AKR1C2: variants seen among roughly 807,000 people sequenced by gnomAD.
The protein encoded by AKR1C2 is 3-alpha-HSD3.
A neutral mutation model predicts 39.8 loss-of-function variants in AKR1C2; 27 were observed. That is an observed-to-expected ratio of 0.68 (90% CI 0.50 to 0.93). The LOEUF is 0.93. Among genes scored for constraint, AKR1C2 ranks in the 40% least tolerant of loss-of-function variants. The pLI, the probability that AKR1C2 is intolerant of heterozygous loss-of-function variation, is 0.00. For missense variants in AKR1C2, 263 were observed against 365.1 expected (o/e 0.72, Z 2.28); for synonymous variants, 114 against 137.9 (o/e 0.83, Z 1.22).
rs781867830 is a variant in AKR1C2 at position 4,995,706 on chromosome 10, T to A, written c.680+50A>T. 1.0e-5 allele frequency: 16 copies of A among 1,534,902 alleles called. No homozygotes were observed. In the East Asian group the frequency reaches 1.5e-4, roughly 14 times the overall value. On this transcript the variant is annotated intron_variant, in intron 6 of 8. Coordinates refer to ENST00000380753, the MANE Select transcript of AKR1C2 (RefSeq NM_001393392.1). ...AGGAAACAGCATGATCTGATTAAAT[T>A]TTTTTTATCAAACCAGTGTTTTAGG... is the stretch of plus-strand genomic sequence containing the variant.
intron 5 of AKR1C2, chr10:4,996,162 C>G: frequency 1.0e-5 from 3 of 288,206 alleles, no homozygotes; most frequent in Non-Finnish European, 1.3e-5. Flanking sequence ...ATTCTTTGAG[C>G]CTTGGGCATC....
At chr10:4,998,937 T>A (rs1554773488) in intron 4 of AKR1C2, among the ~76,000 whole-genome samples, 190 bp from the exon 5 acceptor site, 1 of 152,208 alleles carries the variant, frequency 6.6e-6, no homozygotes, top group African/African-American at 2.4e-5. Context: ...TGAGAATTTC[T>A]GTTTCCTCCT....
chr10:5,011,443 T>C (rs1488827958), intron 1 of AKR1C2, among the ~76,000 whole-genome samples: 1 of 152,152 alleles, frequency 6.6e-6, no homozygotes, highest in Admixed American at 6.5e-5. Context: ...AATCCAAAAA[T>C]AAAATAAATA....
rs782237696 is a variant in AKR1C2, at chr10:4,998,655, T to C, written c.540A>G (p.Pro180=). ...HRLLEMILNK[P]GLKYKPVCNQ... ...TGCAGACAGGCTTGTACTTGAGCCC[T>C]GGCTTGTTGAGGATCATCTCCAGCA... Residue 180 remains proline, a synonymous_variant, in exon 5 of 9, where the codon CCA becomes CCG. Transcript: ENST00000380753. 2.5e-6 allele frequency: 4 copies of C among 1,614,072 alleles called. No individual in the cohort carries two copies. The East Asian group carries it at 8.9e-5, about 36-fold the overall frequency.
Position 4,999,104 on chromosome 10 carries a change from C to A in AKR1C2, c.447+96G>T, listed in dbSNP as rs35767584. The A allele has an allele frequency of 0.11, 173,550 of 1,515,834 alleles. 9,422 individuals carry two copies. Among genetic ancestry groups the A allele is most frequent in the South Asian group, 0.18 (14,032 of 78,488 alleles). 93.9% of individuals were successfully genotyped at this position (1,515,834 alleles called of 1,614,324 possible). On this transcript the variant is annotated intron_variant, in intron 4 of 8. Coordinates refer to ENST00000380753, the MANE Select transcript of AKR1C2 (RefSeq NM_001393392.1). ...TTTGTAAAGTTCCTAAGTTTTTGATCCAATGGTGCATTTTCCATACTTGTA... is the reference window on the plus strand; with the variant it reads ...TTTGTAAAGTTCCTAAGTTTTTGATACAATGGTGCATTTTCCATACTTGTA...
In AKR1C2 at chr10:5,000,928, C is replaced by T. The variant is rs140216733; in HGVS notation, c.253-262G>A. On this transcript the variant is annotated intron_variant, in intron 2 of 8. Transcript: ENST00000380753. ...AAGTTGTTATCAAATCATAAGCATA[C>T]CCATTATCTGAATTATCTTTGGTAA... 0.061 allele frequency among the ~76,000 whole-genome samples: 9,269 copies of T among 152,238 alleles called. 386 individuals are homozygous for T. Among genetic ancestry groups the T allele is most frequent in the Non-Finnish European group, 0.091 (6,221 of 68,006 alleles).
At position 4,998,718 on chromosome 10, in the gene AKR1C2, C is replaced by A. The variant is rs1554773443; in HGVS notation, c.477G>T (p.Leu159Phe). The change falls in exon 5 of 9, where the codon TTG (leucine) becomes TTT (phenylalanine). Residue 159 changes from leucine to phenylalanine, a missense_variant. This residue lies in a region of AKR1C2 where 247 missense variants were observed against 267.9 expected (regional missense o/e 0.92). Transcript: ENST00000380753. ...AGTTGGACACCCCGATGGACTTGGC[C>A]AATCCTGCATCTTTACACTTCTCCA... The part of the protein sequence containing the change: ...EAMEKCKDAG[L>F]AKSIGVSNFN... 2.5e-6 allele frequency: 4 copies of A among 1,614,108 alleles called. No individual in the cohort carries two copies. In the South Asian group the frequency reaches 4.4e-5, roughly 18 times the overall value.
intron 7 of AKR1C2, among the ~76,000 whole-genome samples, chr10:4,993,054 C>T (rs10904387): frequency 0.29 from 43,705 of 152,074 alleles, 7,015 homozygotes; most frequent in East Asian, 0.63. Flanking sequence ...TGATCATGGA[C>T]TGGAAATCTC....
chr10:5,003,095 T>C (rs1554774018), intron 1 of AKR1C2, among the ~76,000 whole-genome samples: 1 of 152,200 alleles, frequency 6.6e-6, no homozygotes, highest in Non-Finnish European at 1.5e-5. Context: ...ATATATTCCA[T>C]TAATTTTCTT....
chr10:4,995,629 C>G (rs1414431505), intron 6 of AKR1C2, 127 bp downstream of exon 6: 3 of 1,315,958 alleles, frequency 2.3e-6, no homozygotes, highest in Non-Finnish European at 3.1e-6. Context: ...CCTGGGATCT[C>G]GTCAGAAATG....
At position 4,989,699 on chromosome 10, in the gene AKR1C2, G is replaced by A. The variant is rs113361610; in HGVS notation, c.*297C>T. 3.0e-5 allele frequency: 14 copies of A among 460,078 alleles called. No homozygotes were observed. In the East Asian group the frequency reaches 4.1e-4, roughly 14 times the overall value. 28.5% of individuals were successfully genotyped at this position (460,078 alleles called of 1,614,324 possible). ...ACATCTTCCAACCCCGGCCCTAAAC[G>A]TATAGGCAAATCACAATTTGGGGGC... On this transcript the variant is annotated 3_prime_UTR_variant, in exon 9 of 9. Transcript: ENST00000380753.
rs148925380 is a variant in AKR1C2, at chr10:4,994,450, G to A, written c.846+869C>T. ...TGGTGTGTGTTTCCCCACCCCTTGA[G>A]TCTGACCTGTCCTGTAACTTGCATT... is the stretch of plus-strand genomic sequence containing the variant. On this transcript the variant is annotated intron_variant, in intron 7 of 8. Coordinates refer to ENST00000380753, the MANE Select transcript of AKR1C2 (RefSeq NM_001393392.1). Among the ~76,000 whole-genome samples, 278 of 152,240 alleles carry A rather than the reference G, an allele frequency of 1.8e-3. 1 individual carries two copies. Among genetic ancestry groups the A allele is most frequent in the African/African-American group, 6.4e-3 (264 of 41,550 alleles).
intron 1 of AKR1C2, among the ~76,000 whole-genome samples, chr10:5,009,248 CTGTT>C (rs1324295059): frequency 6.6e-6 from 1 of 152,208 alleles, no homozygotes; most frequent in South Asian, 2.1e-4. Context: ...AGAGTGAACT[CTGTT>C]TGAAGAAACA....
upstream of AKR1C2, chr10:5,003,975 A>G: frequency 1.6e-6 from 1 of 612,532 alleles, no homozygotes; most frequent in Admixed American, 3.0e-5. Flanking sequence ...GTCTTACACA[A>G]GCTGTGATAA....
rs540626085 is a variant in AKR1C2, at chr10:5,011,932, A to T, written c.-88+5968T>A. 3.9e-5 allele frequency among the ~76,000 whole-genome samples: 6 copies of T among 152,342 alleles called. No individual in the cohort carries two copies. The South Asian group carries it at 8.3e-4, about 21-fold the overall frequency. The stretch of plus-strand genomic sequence containing the variant: ...TTGTCTGTATAAGTTATAACATGGA[A>T]GTAGTTGCCTGAAGTATAATCTAGG... On this transcript the variant is annotated intron_variant, in intron 1 of 6. Transcript: ENST00000604507.
At chr10:4,999,855 G>T in intron 3 of AKR1C2, 1 of 854,136 alleles carries the variant, frequency 1.2e-6, no homozygotes, top group Non-Finnish European at 1.4e-6. Flanking sequence ...AAAGCCTTTT[G>T]TAATAAAGCA....
At chr10:5,002,722 G>GCTTT (rs1837309947) in intron 1 of AKR1C2, among the ~76,000 whole-genome samples, 1 of 151,558 alleles carries the variant, frequency 6.6e-6, no homozygotes, top group African/African-American at 2.4e-5. Context: ...TATTTCAGAG[G>GCTTT]CTTTTTCCTG....
chr10:4,989,133 A>G lies in AKR1C2; in HGVS notation c.*863T>C, dbSNP rs1554771798. 1 of 152,146 alleles carries G rather than the reference A, an allele frequency of 6.6e-6. No individual in the cohort carries two copies. The highest frequency in any genetic ancestry group is 2.4e-5 in the African/African-American group (1 of 41,426). The allele number at this position is 152,146 out of a possible 1,614,324, so 9.4% of individuals were successfully genotyped here. A position where few individuals can be genotyped will look rare whatever the true frequency, so the allele number is the denominator to read the frequency against. ...CAGTACATTTTTACAATCTAAGAAT[A>G]TTTTCTAAATATGAGCTATTCAGGG... On this transcript the variant is annotated 3_prime_UTR_variant, in exon 9 of 9. Coordinates refer to ENST00000380753, the MANE Select transcript of AKR1C2 (RefSeq NM_001393392.1).
Position 4,988,005 on chromosome 10 carries a change from AC to A in AKR1C2, c.*1990del, listed in dbSNP as rs1422786602. ...GTTTGGCTTTATGAAATTCTGAGTA[AC>A]TTTTTTTTTTTAACAATAAGAGTTT... On this transcript the variant is annotated 3_prime_UTR_variant, in exon 9 of 9. Coordinates refer to ENST00000380753, the MANE Select transcript of AKR1C2 (RefSeq NM_001393392.1). 1 of 139,488 alleles carries A rather than the reference AC, an allele frequency of 7.2e-6. No homozygotes were observed. Among genetic ancestry groups the A allele is most frequent in the Admixed American group, 7.0e-5 (1 of 14,254 alleles). The allele number at this position is 139,488 out of a possible 1,614,324, so 8.6% of individuals were successfully genotyped here. A position where few individuals can be genotyped will look rare whatever the true frequency, so the allele number is the denominator to read the frequency against.
Sources: gnomAD v4.1 joint callset for allele counts (sites outside exome capture counted in the v4.1 genomes callset) on GRCh38, gnomAD v4.1.1 for gene constraint, gnomAD v4.1.1 regional missense constraint, MANE v1.5 for transcripts, NCBI Gene and HGNC (gene_info 2026-07-23, HGNC 2026-07-21) for gene names.